Variants in EXOC6B observed in about 807,000 individuals in gnomAD.
EXOC6B encodes the protein SEC15 homolog B.
EXOC6B carries 54 observed loss-of-function variants against 113.5 expected under a neutral mutation model. The ratio of observed to expected loss-of-function variants is 0.48; its 90% CI spans 0.38 to 0.60. The LOEUF is 0.60. Among genes scored for constraint, EXOC6B ranks in the 20% least tolerant of loss-of-function variants. EXOC6B has a pLI of 0.00. For missense variants in EXOC6B, 797 were observed against 977.5 expected, an observed-to-expected ratio of 0.82 and a Z score of 2.46; for synonymous variants, 357 against 339.0, an observed-to-expected ratio of 1.05 and a Z score of -0.58.
intron 20 of EXOC6B, among the ~76,000 whole-genome samples, chr2:72,327,408 C>T (rs1688187354): frequency 6.6e-6 from 1 of 152,140 alleles, no homozygotes; most frequent in South Asian, 2.1e-4. Context: ...TACGAATACT[C>T]CCTCTCCCCT....
At chr2:72,379,593 A>G in intron 19 of EXOC6B, 136 bp downstream of exon 19, 14 of 800,738 alleles carry the variant, frequency 1.7e-5, no homozygotes, top group Non-Finnish European at 5.5e-6. Flanking sequence ...TAGATGTTCT[A>G]TAAGTTATCT....
chr2:72,753,326 A>C (rs1682183625), intron 1 of EXOC6B, among the ~76,000 whole-genome samples: 1 of 152,070 alleles, frequency 6.6e-6, no homozygotes, highest in African/African-American at 2.4e-5. Flanking sequence ...ATTGAAGATA[A>C]CACCAGCCAC....
intron 18 of EXOC6B, among the ~76,000 whole-genome samples, chr2:72,440,471 T>C (rs899558851): frequency 2.0e-5 from 3 of 152,098 alleles, no homozygotes; most frequent in Admixed American, 6.5e-5. Flanking sequence ...CTTTTCAGAC[T>C]AGCAAATGCT....
chr2:72,697,764 T>G (rs535473719), intron 6 of EXOC6B, among the ~76,000 whole-genome samples: 2 of 152,194 alleles, frequency 1.3e-5, no homozygotes, highest in Non-Finnish European at 2.9e-5. Context: ...ATTCTTTTAC[T>G]AATAGAATGC....
intron 6 of EXOC6B, among the ~76,000 whole-genome samples, chr2:72,622,147 G>A: frequency 6.7e-6 from 1 of 150,268 alleles, no homozygotes; most frequent in South Asian, 2.1e-4. Context: ...GATTAGAATG[G>A]GAAAAGATTA....
At chr2:72,299,206 C>A (rs1310025941) in intron 20 of EXOC6B, among the ~76,000 whole-genome samples, 2 of 151,828 alleles carry the variant, frequency 1.3e-5, no homozygotes, top group Admixed American at 1.3e-4. Flanking sequence ...TTTCTCTAAT[C>A]TTCTCTTCTC....
intron 1 of EXOC6B, among the ~76,000 whole-genome samples, chr2:72,780,091 CAA>C (rs1000923245): frequency 6.6e-6 from 1 of 152,024 alleles, no homozygotes; most frequent in Non-Finnish European, 1.5e-5. Flanking sequence ...CACTTGCAAC[CAA>C]AGAGTCCCAA....
intron 6 of EXOC6B, among the ~76,000 whole-genome samples, chr2:72,605,293 A>T (rs1240527642): frequency 6.6e-6 from 1 of 151,730 alleles, no homozygotes; most frequent in African/African-American, 2.4e-5. Flanking sequence ...CCCAAAAAAA[A>T]AAAAGGAAAA....
rs141047664 is a variant in EXOC6B, at chr2:72,638,177, A to T, written c.670-62509T>A. Reference sequence around the variant, plus strand: ...TCAGAGAAGAAAAAGGAGACATTACAACCATTACGGCAGAAATTCAAAGGA... The same window carrying T: ...TCAGAGAAGAAAAAGGAGACATTACTACCATTACGGCAGAAATTCAAAGGA... On this transcript the variant is annotated intron_variant, in intron 6 of 21. Transcript: ENST00000272427. Among the ~76,000 whole-genome samples, 22 of 152,320 alleles carry T rather than the reference A, an allele frequency of 1.4e-4. No homozygotes were observed. In the East Asian group the frequency reaches 4.1e-3, roughly 28 times the overall value.
chr2:72,806,793 C>CT (rs1418791461), intron 1 of EXOC6B, among the ~76,000 whole-genome samples: 10 of 149,406 alleles, frequency 6.7e-5, no homozygotes, highest in South Asian at 4.3e-4. Context: ...TGATGTTGAG[C>CT]TTTTTTTTTT....
chr2:72,244,349 T>TA (rs1682520140), intron 20 of EXOC6B, among the ~76,000 whole-genome samples: 1 of 152,102 alleles, frequency 6.6e-6, no homozygotes, highest in South Asian at 2.1e-4. Context: ...ATAATATGTT[T>TA]AACTAAATAA....
chr2:72,756,896 C>T (rs988182390), intron 1 of EXOC6B, among the ~76,000 whole-genome samples: 5 of 152,038 alleles, frequency 3.3e-5, no homozygotes, highest in African/African-American at 1.2e-4. Context: ...GGTGAAGAAA[C>T]AGATGTAAAA....
intron 6 of EXOC6B, among the ~76,000 whole-genome samples, chr2:72,639,944 C>G (rs1573535273): frequency 6.6e-6 from 1 of 152,320 alleles, no homozygotes; most frequent in South Asian, 2.1e-4. Flanking sequence ...CCTGACAACT[C>G]AAAAAGCCAG....
At chr2:72,698,897 A>T (rs925174207) in intron 6 of EXOC6B, among the ~76,000 whole-genome samples, 11 of 152,220 alleles carry the variant, frequency 7.2e-5, no homozygotes, top group Non-Finnish European at 4.4e-5. Context: ...ACTCTTCACA[A>T]ATCATGAAGA....
intron 6 of EXOC6B, among the ~76,000 whole-genome samples, chr2:72,582,050 A>T (rs956099220): frequency 2.0e-5 from 3 of 152,160 alleles, no homozygotes; most frequent in African/African-American, 7.2e-5. Flanking sequence ...TTCAATCACA[A>T]ACTCAATATA....
chr2:72,346,707 A>T (rs1217078400), intron 19 of EXOC6B, among the ~76,000 whole-genome samples: 1 of 152,190 alleles, frequency 6.6e-6, no homozygotes, highest in Non-Finnish European at 1.5e-5. Flanking sequence ...ATATTCACTG[A>T]ATTAAATCAG....
At chr2:72,424,477 AT>A (rs1380600036) in intron 18 of EXOC6B, among the ~76,000 whole-genome samples, 1 of 151,910 alleles carries the variant, frequency 6.6e-6, no homozygotes, top group Non-Finnish European at 1.5e-5. Flanking sequence ...GGCTTTCTTC[AT>A]TTCCCCAACT....
chr2:72,771,850 C>T (rs912537466), intron 1 of EXOC6B, among the ~76,000 whole-genome samples: 10 of 151,916 alleles, frequency 6.6e-5, no homozygotes, highest in Non-Finnish European at 1.3e-4. Context: ...TTACTGAGTA[C>T]CCTAAAGAGC....
At chr2:72,303,891 G>A (rs1486566690) in intron 20 of EXOC6B, among the ~76,000 whole-genome samples, 3 of 152,196 alleles carry the variant, frequency 2.0e-5, no homozygotes, top group South Asian at 2.1e-4. Flanking sequence ...GAAGTCCCAC[G>A]TTGGGCAGCC....
Sources: allele counts gnomAD v4.1 joint callset (sites outside exome capture counted in the v4.1 genomes callset), GRCh38; gene constraint gnomAD v4.1.1; transcripts MANE v1.5; gene names NCBI Gene and HGNC (gene_info 2026-07-23, HGNC 2026-07-21).